The following PLXDC2 variants were observed in gnomAD, a reference collection of about 807,000 sequenced individuals.
PLXDC2 encodes plexin domain-containing protein 2.
PLXDC2 carries 40 observed loss-of-function variants against 68.9 expected under a neutral mutation model. The observed-to-expected ratio is 0.58, with a 90% CI of 0.45 to 0.76. The LOEUF (loss-of-function observed/expected upper bound fraction) is 0.76, where lower values mean the gene tolerates loss of function less well. PLXDC2 is among the 30% of genes least tolerant of loss of function. The pLI, the probability that PLXDC2 is intolerant of heterozygous loss-of-function variation, is 0.00. For synonymous variants in PLXDC2, 243 were observed against 234.2 expected (o/e 1.04, Z -0.34); for missense variants, 644 against 661.9 (o/e 0.97, Z 0.30).
intron 1 of PLXDC2, among the ~76,000 whole-genome samples, chr10:19,954,499 CATTT>C (rs1448821475): frequency 1.3e-5 from 2 of 152,140 alleles, no homozygotes; most frequent in African/African-American, 4.8e-5. Flanking sequence ...TTTGATGATC[CATTT>C]GTAGTCTATA....
chr10:19,980,800 T>C (rs950222864), intron 1 of PLXDC2, among the ~76,000 whole-genome samples: 1 of 152,178 alleles, frequency 6.6e-6, no homozygotes, highest in Non-Finnish European at 1.5e-5. Flanking sequence ...CTTAATTCCA[T>C]AGATGCCCCA....
chr10:20,043,668 A>C (rs1835725383), intron 2 of PLXDC2, among the ~76,000 whole-genome samples: 1 of 152,122 alleles, frequency 6.6e-6, no homozygotes. Flanking sequence ...TAAAGATTAC[A>C]TCTTTAACCT....
intron 1 of PLXDC2, among the ~76,000 whole-genome samples, chr10:19,833,830 A>T (rs1836740000): frequency 6.6e-6 from 1 of 152,248 alleles, no homozygotes; most frequent in South Asian, 2.1e-4. Flanking sequence ...TAAGAAAAAG[A>T]CACCTGTTCT....
intron 13 of PLXDC2, among the ~76,000 whole-genome samples, chr10:20,265,530 A>G (rs1387385553): frequency 2.0e-5 from 3 of 152,226 alleles, no homozygotes; most frequent in African/African-American, 4.8e-5. Flanking sequence ...ACACATATAC[A>G]TGCACATTCT....
intron 1 of PLXDC2, among the ~76,000 whole-genome samples, chr10:19,870,401 T>C (rs542401451): frequency 2.1e-4 from 32 of 151,942 alleles, no homozygotes; most frequent in African/African-American, 7.2e-4. Flanking sequence ...AAGTACTAAA[T>C]GAAGCTTAGC....
chr10:20,198,252 A>G (rs1286172997), intron 9 of PLXDC2, among the ~76,000 whole-genome samples: 1 of 152,166 alleles, frequency 6.6e-6, no homozygotes, highest in African/African-American at 2.4e-5. Context: ...AGTAGTTTGT[A>G]GAAAGGCAAT....
chr10:19,972,134 G>A (rs1834364751), intron 1 of PLXDC2, among the ~76,000 whole-genome samples: 1 of 152,112 alleles, frequency 6.6e-6, no homozygotes, highest in Non-Finnish European at 1.5e-5. Context: ...TTTATCCTGT[G>A]GACAATTTAG....
At chr10:20,181,399 T>C (rs1834602991) in intron 9 of PLXDC2, among the ~76,000 whole-genome samples, 1 of 152,062 alleles carries the variant, frequency 6.6e-6, no homozygotes, top group African/African-American at 2.4e-5. Flanking sequence ...GGAGTTTAGC[T>C]TAGTAAGCCA....
At chr10:20,203,658 A>C (rs1834951306) in intron 9 of PLXDC2, among the ~76,000 whole-genome samples, 1 of 151,994 alleles carries the variant, frequency 6.6e-6, no homozygotes, top group Admixed American at 6.6e-5. Context: ...TGGAAGAATA[A>C]AAGTCCCTGA....
intron 7 of PLXDC2, among the ~76,000 whole-genome samples, chr10:20,171,991 G>C (rs1433639638): frequency 1.3e-5 from 2 of 151,824 alleles, no homozygotes; most frequent in African/African-American, 4.8e-5. Flanking sequence ...TACTTATTGG[G>C]TACAATGTAC....
intron 1 of PLXDC2, among the ~76,000 whole-genome samples, chr10:19,873,190 G>T (rs1344868819): frequency 6.6e-6 from 1 of 152,128 alleles, no homozygotes; most frequent in African/African-American, 2.4e-5. Flanking sequence ...GGTGGAGGGA[G>T]CCTAGAGATG....
At chr10:20,012,955 T>C (rs572495746) in intron 2 of PLXDC2, among the ~76,000 whole-genome samples, 38 of 152,306 alleles carry the variant, frequency 2.5e-4, no homozygotes, top group African/African-American at 8.7e-4. Context: ...GCTTTAGCTA[T>C]TAAATTGAAG....
chr10:19,927,906 T>C (rs528181981), intron 1 of PLXDC2, among the ~76,000 whole-genome samples: 2 of 152,060 alleles, frequency 1.3e-5, no homozygotes, highest in African/African-American at 4.8e-5. Context: ...AGTGGAGTAG[T>C]GTAAATTGTA....
intron 9 of PLXDC2, among the ~76,000 whole-genome samples, chr10:20,182,071 TTGTGTGTG>T (rs111252782): frequency 2.7e-5 from 4 of 146,456 alleles, no homozygotes; most frequent in Admixed American, 2.1e-4. Flanking sequence ...AACCGGTTAT[TTGTGTGTG>T]TGTGTGTGTG....
At chr10:20,072,023 G>A (rs1262511851) in intron 4 of PLXDC2, among the ~76,000 whole-genome samples, 1 of 152,102 alleles carries the variant, frequency 6.6e-6, no homozygotes. Flanking sequence ...GTGAAGGGGA[G>A]TTGGGAAGAA....
chr10:20,044,257 CTT>C (rs1166281817), intron 2 of PLXDC2, among the ~76,000 whole-genome samples: 3 of 114,998 alleles, frequency 2.6e-5, no homozygotes, highest in African/African-American at 4.0e-5. Context: ...TTCTTTCTTT[CTT>C]TCTTTCTTTC....
intron 4 of PLXDC2, among the ~76,000 whole-genome samples, chr10:20,086,563 A>G (rs1249743326): frequency 6.6e-6 from 1 of 152,120 alleles, no homozygotes; most frequent in Non-Finnish European, 1.5e-5. Flanking sequence ...AATGCAAAGC[A>G]TGGGTTTACG....
intron 1 of PLXDC2, among the ~76,000 whole-genome samples, chr10:19,901,055 A>G (rs533345020): frequency 1.5e-4 from 23 of 151,298 alleles, no homozygotes; most frequent in Non-Finnish European, 2.5e-4. Flanking sequence ...ATATAAAACA[A>G]TTTATTTATA....
At chr10:20,170,217 G>C (rs1407548086) in intron 7 of PLXDC2, among the ~76,000 whole-genome samples, 2 of 152,232 alleles carry the variant, frequency 1.3e-5, no homozygotes, top group East Asian at 3.9e-4. Context: ...TTTAGTTGGA[G>C]TCTAACTCTG....
Sources: gnomAD v4.1 joint callset for allele counts (sites outside exome capture counted in the v4.1 genomes callset) on GRCh38, gnomAD v4.1.1 for gene constraint, MANE v1.5 for transcripts, NCBI Gene and HGNC (gene_info 2026-07-23, HGNC 2026-07-21) for gene names.